PTP4A3: variants seen among roughly 807,000 people sequenced by gnomAD.
PTP4A3 encodes protein tyrosine phosphatase 4A3, also known as protein tyrosine phosphatase type IVA 3.
In PTP4A3, 9 loss-of-function variants were observed where a neutral mutation model predicts 15.2. That is an observed-to-expected ratio of 0.59 (90% CI 0.36 to 1.03). The LOEUF (loss-of-function observed/expected upper bound fraction) is 1.03, where lower values mean the gene tolerates loss of function less well. PTP4A3 is among the 50% of genes least tolerant of loss of function. The probability of loss-of-function intolerance (pLI) is 0.02; values close to 1 mark genes in which losing one functional copy is unlikely to be tolerated. For synonymous variants in PTP4A3, 95 were observed against 102.0 expected, an observed-to-expected ratio of 0.93 and a Z score of 0.41; for missense variants, 234 against 252.1, an observed-to-expected ratio of 0.93 and a Z score of 0.49.
At chr8:141,423,429 C>T (rs1171477129) in intron 2 of PTP4A3, among the ~76,000 whole-genome samples, 2 of 152,198 alleles carry the variant, frequency 1.3e-5, no homozygotes, top group Non-Finnish European at 2.9e-5. Flanking sequence ...AGTGTGTGAC[C>T]AAGGTTGGGG....
chr8:141,394,952 G>A (rs967122780), intron 1 of PTP4A3, among the ~76,000 whole-genome samples: 5 of 152,356 alleles, frequency 3.3e-5, no homozygotes, highest in South Asian at 4.1e-4. Context: ...TGTGCCCCAC[G>A]CCTGCCAGTC....
At chr8:141,427,134 C>T (rs1352485989) in intron 4 of PTP4A3, 65 bp downstream of exon 4, 1 of 1,567,870 alleles carries the variant, frequency 6.4e-7, no homozygotes, top group Non-Finnish European at 8.6e-7. Context: ...GTCTGACAGC[C>T]TCGCTTTTGG....
intron 1 of PTP4A3, among the ~76,000 whole-genome samples, chr8:141,401,297 A>T (rs1832583577): frequency 6.6e-6 from 1 of 151,942 alleles, no homozygotes; most frequent in African/African-American, 2.4e-5. Context: ...CGTTGAGGTG[A>T]CCTCTAGCCA....
chr8:141,414,808 A>T (rs946569269), intron 1 of PTP4A3, among the ~76,000 whole-genome samples: 2 of 151,478 alleles, frequency 1.3e-5, no homozygotes, highest in South Asian at 4.2e-4. Flanking sequence ...GGCCTGAGAG[A>T]CGCCCCCTCA....
At chr8:141,397,956 C>T (rs1232944225) in intron 1 of PTP4A3, among the ~76,000 whole-genome samples, 4 of 152,154 alleles carry the variant, frequency 2.6e-5, no homozygotes, top group East Asian at 1.9e-4. Flanking sequence ...CTGGACGGGC[C>T]GAGACCTGGA....
chr8:141,402,775 A>C (rs1269775070), intron 1 of PTP4A3, among the ~76,000 whole-genome samples: 1 of 136,768 alleles, frequency 7.3e-6, no homozygotes, highest in Non-Finnish European at 1.5e-5. Flanking sequence ...GAAGGTGCCT[A>C]CTCATGATCG....
At chr8:141,398,800 C>T (rs1832512664) in intron 1 of PTP4A3, among the ~76,000 whole-genome samples, 1 of 152,110 alleles carries the variant, frequency 6.6e-6, no homozygotes, top group Non-Finnish European at 1.5e-5. Context: ...TCAGTTTCCC[C>T]TTCTGCAGGA....
chr8:141,394,951 C>T (rs535596489), intron 1 of PTP4A3, among the ~76,000 whole-genome samples: 30 of 152,356 alleles, frequency 2.0e-4, no homozygotes, highest in African/African-American at 6.0e-4. Context: ...GTGTGCCCCA[C>T]GCCTGCCAGT....
intron 5 of PTP4A3, among the ~76,000 whole-genome samples, chr8:141,429,399 C>T (rs1833741079): frequency 6.6e-6 from 1 of 152,274 alleles, no homozygotes; most frequent in Non-Finnish European, 1.5e-5. Flanking sequence ...CGCCTGTCAC[C>T]TCAGGGCCTC....
intron 1 of PTP4A3, among the ~76,000 whole-genome samples, chr8:141,403,497 A>C (rs546420239): frequency 6.6e-6 from 1 of 152,354 alleles, no homozygotes; most frequent in Non-Finnish European, 1.5e-5. Flanking sequence ...CTGCGGCTTT[A>C]AGCAAAACGA....
intron 1 of PTP4A3, among the ~76,000 whole-genome samples, chr8:141,411,518 C>G (rs1454942285): frequency 6.6e-6 from 1 of 152,220 alleles, no homozygotes; most frequent in Admixed American, 6.5e-5. Context: ...TCGGGCCAGC[C>G]CAGAAATAGC....
intron 1 of PTP4A3, among the ~76,000 whole-genome samples, chr8:141,420,370 G>A (rs1405721646): frequency 2.0e-5 from 3 of 152,164 alleles, no homozygotes; most frequent in African/African-American, 4.8e-5. Flanking sequence ...TGCTCATGGG[G>A]TAACAAAGAG....
At chr8:141,395,840 G>T (rs1832438199) in intron 1 of PTP4A3, among the ~76,000 whole-genome samples, 1 of 152,100 alleles carries the variant, frequency 6.6e-6, no homozygotes, top group Non-Finnish European at 1.5e-5. Context: ...ATGCCCCCCG[G>T]CTCCTCTCCT....
At position 141,432,440 on chromosome 8, in the gene PTP4A3, T is replaced by C. The variant is rs919970391; in HGVS notation, c.*1396T>C. ...ACATTTGGAACTCAAGTAAATCCAA[T>C]GCATGTTGGGTGAAGTTTGCTGTAT... On this transcript the variant is annotated 3_prime_UTR_variant, in exon 6 of 6. Transcript: ENST00000521578. 3 of 152,144 alleles carry C rather than the reference T, an allele frequency of 2.0e-5. No individual in the cohort carries two copies. Among genetic ancestry groups the C allele is most frequent in the African/African-American group, 7.2e-5 (3 of 41,418 alleles). The allele number at this position is 152,144 out of a possible 1,614,324, so 9.4% of individuals were successfully genotyped here.
chr8:141,422,764 C>T (rs140188511), intron 2 of PTP4A3, among the ~76,000 whole-genome samples: 44 of 152,266 alleles, frequency 2.9e-4, no homozygotes, highest in African/African-American at 9.4e-4. Context: ...CCAGGCTGGA[C>T]TAGGGGCTTC....
intron 5 of PTP4A3, among the ~76,000 whole-genome samples, chr8:141,428,896 A>G (rs563855289): frequency 6.6e-6 from 1 of 152,182 alleles, no homozygotes; most frequent in Non-Finnish European, 1.5e-5. Context: ...AGGCATGTAC[A>G]CACGTGTGCA....
rs1005129421 is a variant in PTP4A3, at chr8:141,429,389, C to T, written c.405-1538C>T. ...TGGGTGGGCAGCCCCCGCCCCTCAA[C>T]GCCTGTCACCTCAGGGCCTCTCAGG... On this transcript the variant is annotated intron_variant, in intron 5 of 5. Transcript: ENST00000521578. Among the ~76,000 whole-genome samples, 16 of 152,384 alleles carry T rather than the reference C, an allele frequency of 1.0e-4. No individual in the cohort carries two copies. The South Asian group carries it at 2.1e-3, about 20-fold the overall frequency.
chr8:141,393,773 A>C (rs751567713), intron 1 of PTP4A3, among the ~76,000 whole-genome samples: 3 of 152,200 alleles, frequency 2.0e-5, no homozygotes, highest in Non-Finnish European at 2.9e-5. Flanking sequence ...TGGCTGGCTG[A>C]TGCAGTCAGG....
intron 1 of PTP4A3, among the ~76,000 whole-genome samples, chr8:141,405,573 C>G (rs1237465455): frequency 6.6e-6 from 1 of 152,220 alleles, no homozygotes; most frequent in Non-Finnish European, 1.5e-5. Flanking sequence ...CTGCCTTACT[C>G]CCACTCACAG....
Sources: allele counts gnomAD v4.1 joint callset (sites outside exome capture counted in the v4.1 genomes callset), GRCh38; gene constraint gnomAD v4.1.1; transcripts MANE v1.5; gene names NCBI Gene and HGNC (gene_info 2026-07-23, HGNC 2026-07-21).